Variants in NFASC observed in about 807,000 individuals in gnomAD.
NFASC encodes the protein neurofascin homolog.
NFASC carries 43 observed loss-of-function variants against 147.5 expected under a neutral mutation model. The ratio of observed to expected loss-of-function variants is 0.29; its 90% CI spans 0.23 to 0.38. The LOEUF is 0.38. Among genes scored for constraint, NFASC ranks in the 10% least tolerant of loss-of-function variants. The pLI, the probability that NFASC is intolerant of heterozygous loss-of-function variation, is 1.00. For missense variants in NFASC, 1,320 were observed against 1,689.0 expected (o/e 0.78, Z 3.83); for synonymous variants, 622 against 665.5 (o/e 0.93, Z 1.01).
Position 205,015,110 on chromosome 1 carries a change from G to A in NFASC, c.3492-1198G>A, listed in dbSNP as rs1211467183. Among the ~76,000 whole-genome samples, 2 of 152,206 alleles carry A rather than the reference G, an allele frequency of 1.3e-5. No homozygotes were observed. Among genetic ancestry groups the A allele is most frequent in the Non-Finnish European group, 2.9e-5 (2 of 68,040 alleles). On this transcript the variant is annotated intron_variant, in intron 29 of 29. Coordinates refer to ENST00000339876, the MANE Select transcript of NFASC (RefSeq NM_001005388.3). This position sits in a 1 kb window ranked among gnomAD's most constrained non-coding sequence, Gnocchi z 4.0. ...GGCTCGCTGCCCTCACCTGACAGCTGTCTTTGCCCGACACTGCTATTAGAA... is the reference window on the plus strand; with the variant it reads ...GGCTCGCTGCCCTCACCTGACAGCTATCTTTGCCCGACACTGCTATTAGAA...
In NFASC at chr1:205,020,269, C is replaced by G. The variant is rs562073611; in HGVS notation, c.*3730C>G. 2.6e-5 allele frequency: 4 copies of G among 152,250 alleles called. No individual in the cohort carries two copies. Among genetic ancestry groups the G allele is most frequent in the African/African-American group, 9.7e-5 (4 of 41,420 alleles). The allele number at this position is 152,250 out of a possible 1,614,324, so 9.4% of individuals were successfully genotyped here. A position where few individuals can be genotyped will look rare whatever the true frequency, so the allele number is the denominator to read the frequency against. ...CAGCCTTGGGAAGACGGTGGAAACC[C>G]GAGGATGTGTGGGTTTCCCAGCTAA... is the stretch of plus-strand genomic sequence containing the variant. On this transcript the variant is annotated 3_prime_UTR_variant, in exon 30 of 30. Coordinates refer to ENST00000339876, the MANE Select transcript of NFASC (RefSeq NM_001005388.3).
In NFASC at chr1:204,867,645, A is replaced by G. The variant is rs139228913; in HGVS notation, c.-200+38863A>G. On this transcript the variant is annotated intron_variant, in intron 1 of 29. Transcript: ENST00000339876. Reference sequence around the variant, plus strand: ...TATACATGCACATTTAGACTTATACATACACCAACACGCTTACACACACAC... The same window carrying G: ...TATACATGCACATTTAGACTTATACGTACACCAACACGCTTACACACACAC... 8.7e-4 allele frequency among the ~76,000 whole-genome samples: 132 copies of G among 152,142 alleles called. 3 individuals are homozygous for G. The East Asian group carries it at 0.012, about 14-fold the overall frequency.
chr1:204,962,039 T>G (rs1213564086), intron 8 of NFASC: 11 of 1,232,562 alleles, frequency 8.9e-6, no homozygotes, highest in Non-Finnish European at 1.2e-5. Flanking sequence ...ATTTGTTTTC[T>G]CTCCCCGTTT....
chr1:204,895,117 C>T (rs1376727457), intron 1 of NFASC, among the ~76,000 whole-genome samples: 2 of 152,088 alleles, frequency 1.3e-5, no homozygotes, highest in Admixed American at 1.3e-4. Context: ...CTGTTTTTTC[C>T]AGTTCCTCTC....
At chr1:204,959,893 G>A (rs1463303205) in intron 8 of NFASC, among the ~76,000 whole-genome samples, 1 of 152,182 alleles carries the variant, frequency 6.6e-6, no homozygotes, top group East Asian at 1.9e-4. Context: ...TTCATTTCTA[G>A]GTCCTCTATT....
In NFASC at chr1:204,944,225, G is replaced by A; in HGVS notation, c.-90-1G>A. The A allele has an allele frequency of 6.4e-7, 1 of 1,559,982 alleles. No homozygotes were observed. Among genetic ancestry groups the A allele is most frequent in the Non-Finnish European group, 8.7e-7 (1 of 1,154,114 alleles). On this transcript the variant is annotated splice_acceptor_variant, in intron 2 of 29. Transcript: ENST00000339876. LOFTEE classifies it low-confidence loss of function (5UTR_SPLICE). The stretch of plus-strand genomic sequence containing the variant: ...ACTTGCTCTTATGTTTCTTTCCACA[G>A]CTGAGTGCTGTCCAGGAGGCCCAGT...
intron 1 of NFASC, among the ~76,000 whole-genome samples, chr1:204,832,224 A>G (rs1672420357): frequency 1.3e-5 from 2 of 152,168 alleles, no homozygotes; most frequent in Admixed American, 6.5e-5. Context: ...CTCTGTGATG[A>G]GGTCGAGGCT....
intron 21 of NFASC, among the ~76,000 whole-genome samples, chr1:204,984,685 AC>A (rs2095579793): frequency 6.6e-6 from 1 of 151,826 alleles, no homozygotes. Context: ...GTCGCAGCCA[AC>A]TCCAGATAAC....
At chr1:204,937,040 G>T (rs2092913424) in intron 2 of NFASC, among the ~76,000 whole-genome samples, 1 of 131,620 alleles carries the variant, frequency 7.6e-6, no homozygotes, top group Admixed American at 7.4e-5. Flanking sequence ...CAAGGTTAGT[G>T]CCTTCTTACC....
intron 1 of NFASC, among the ~76,000 whole-genome samples, chr1:204,858,024 A>C (rs1376046209): frequency 6.6e-6 from 1 of 150,842 alleles, no homozygotes; most frequent in Admixed American, 6.6e-5. Flanking sequence ...GGTTCAAGCA[A>C]TTCTCCTGTC....
chr1:205,018,075 G>GAA lies in NFASC; in HGVS notation c.*1537_*1538dup, dbSNP rs1279582124. 6.5e-6 allele frequency: 1 copy of GAA among 152,812 alleles called. No individual in the cohort carries two copies. The highest frequency in any genetic ancestry group is 1.5e-5 in the Non-Finnish European group (1 of 68,112). The allele number at this position is 152,812 out of a possible 1,614,324, so 9.5% of individuals were successfully genotyped here. A position where few individuals can be genotyped will look rare whatever the true frequency, so the allele number is the denominator to read the frequency against. ...CTCGCAGACCTGCAGTTCTCAGACCGAAGGTGCTGCCTTCATCCTCCCCAC... is the reference window on the plus strand; with the variant it reads ...CTCGCAGACCTGCAGTTCTCAGACCGAAAAGGTGCTGCCTTCATCCTCCCCAC... On this transcript the variant is annotated 3_prime_UTR_variant, in exon 30 of 30. Coordinates refer to ENST00000339876, the MANE Select transcript of NFASC (RefSeq NM_001005388.3).
intron 2 of NFASC, among the ~76,000 whole-genome samples, chr1:204,937,106 G>A (rs2595953): frequency 0.17 from 25,986 of 151,794 alleles, 3,030 homozygotes; most frequent in African/African-American, 0.33. Context: ...TTGACCACTC[G>A]CTTCACTTTA....
At position 205,022,266 on chromosome 1, in the gene NFASC, T is replaced by A. The variant is rs2096405088; in HGVS notation, c.*5727T>A. ...TTGTCCCTCTGCCCGGCTCCCCAGC[T>A]CTTTGCCAACCTCTTCACACTCCCC... On this transcript the variant is annotated 3_prime_UTR_variant, in exon 30 of 30. Transcript: ENST00000339876. 1 of 152,632 alleles carries A rather than the reference T, an allele frequency of 6.6e-6. No individual in the cohort carries two copies. The highest frequency in any genetic ancestry group is 6.5e-5 in the Admixed American group (1 of 15,276). 9.5% of individuals were successfully genotyped at this position (152,632 alleles called of 1,614,324 possible). A position where few individuals can be genotyped will look rare whatever the true frequency, so the allele number is the denominator to read the frequency against.
At chr1:204,874,430 TC>T (rs1257853488) in intron 1 of NFASC, among the ~76,000 whole-genome samples, 1 of 152,198 alleles carries the variant, frequency 6.6e-6, no homozygotes, top group Non-Finnish European at 1.5e-5. Context: ...TTCCTGTTCT[TC>T]CTCACAGCTC....
chr1:204,955,022 G>A, intron 7 of NFASC, 71 bp downstream of exon 7: 1 of 1,513,238 alleles, frequency 6.6e-7, no homozygotes, highest in South Asian at 1.1e-5. Flanking sequence ...GTTAAGTGGG[G>A]AGGGGCTTGC....
intron 2 of NFASC, among the ~76,000 whole-genome samples, chr1:204,931,216 G>A (rs1285859153): frequency 6.6e-6 from 1 of 152,160 alleles, no homozygotes; most frequent in African/African-American, 2.4e-5. Context: ...CAACTAAAAG[G>A]AGCTGCTGCC....
At chr1:204,928,880 TAA>T (rs1049069371) in intron 2 of NFASC, among the ~76,000 whole-genome samples, 1 of 152,140 alleles carries the variant, frequency 6.6e-6, no homozygotes, top group African/African-American at 2.4e-5. Context: ...TGGCGCCTCA[TAA>T]AGAGTTTTCG....
At chr1:204,870,059 T>C (rs757733210) in intron 1 of NFASC, among the ~76,000 whole-genome samples, 2 of 152,024 alleles carry the variant, frequency 1.3e-5, no homozygotes, top group African/African-American at 4.8e-5. Flanking sequence ...TCCAGGAGGG[T>C]AGGAGAGCTG....
chr1:204,909,401 T>A (rs2149306510), intron 1 of NFASC, among the ~76,000 whole-genome samples: 1 of 152,370 alleles, frequency 6.6e-6, no homozygotes, highest in Admixed American at 6.5e-5. Context: ...GTATTTCTAC[T>A]CTGATGAAAT....
Sources: gnomAD v4.1 joint callset for allele counts (sites outside exome capture counted in the v4.1 genomes callset) on GRCh38, gnomAD v4.1.1 for gene constraint, Gnocchi (gnomAD v3.1) non-coding constraint, MANE v1.5 for transcripts, NCBI Gene and HGNC (gene_info 2026-07-23, HGNC 2026-07-21) for gene names.